Variants in PCBP2 observed in about 807,000 individuals in gnomAD.
The protein encoded by PCBP2 is poly(rC)-binding protein 2.
Under a neutral mutation model 50.1 loss-of-function variants are expected in PCBP2, and 4 were observed. The observed-to-expected ratio is 0.08, with a 90% CI of 0.04 to 0.18. The LOEUF is 0.18. Among genes scored for constraint, PCBP2 ranks in the 10% least tolerant of loss-of-function variants. The pLI is 1.00. For missense variants in PCBP2, 161 were observed against 474.3 expected, an observed-to-expected ratio of 0.34 and a Z score of 6.14; for synonymous variants, 179 against 168.0, an observed-to-expected ratio of 1.07 and a Z score of -0.51.
At chr12:53,466,576 G>T (rs1279646073) in intron 10 of PCBP2, among the ~76,000 whole-genome samples, 1 of 152,152 alleles carries the variant, frequency 6.6e-6, no homozygotes, top group Non-Finnish European at 1.5e-5. Flanking sequence ...ACCTTTTCAG[G>T]TGCTGAGCAT....
intron 7 of PCBP2, among the ~76,000 whole-genome samples, chr12:53,462,074 T>C (rs1219630152): frequency 6.6e-6 from 1 of 152,222 alleles, no homozygotes; most frequent in Non-Finnish European, 1.5e-5. Context: ...TATTTATAGA[T>C]AGTGTCTGTA....
At chr12:53,468,702 TGTTA>T (rs1387772971) in intron 12 of PCBP2, 71 bp from the exon 13 acceptor site, 39 of 1,091,380 alleles carry the variant, frequency 3.6e-5, no homozygotes, top group South Asian at 7.6e-5. Flanking sequence ...TATTTCCTTC[TGTTA>T]GTTTAATGTG....
At chr12:53,471,533 C>G in intron 13 of PCBP2, 105 bp from the exon 14 acceptor site, 1 of 1,150,184 alleles carries the variant, frequency 8.7e-7, no homozygotes, top group Middle Eastern at 3.0e-4. Context: ...GGCCACTGCA[C>G]TCCAGCCTGG....
chr12:53,459,924 A>G (rs998652346), intron 6 of PCBP2: 1 of 445,058 alleles, frequency 2.2e-6, no homozygotes, highest in Non-Finnish European at 4.5e-6. Context: ...CCACACCCAA[A>G]TTTTTGTATT....
chr12:53,475,849 C>G (rs1164378186), intron 14 of PCBP2: 1 of 152,200 alleles, frequency 6.6e-6, no homozygotes, highest in Non-Finnish European at 1.5e-5. Context: ...TGGCAACAAG[C>G]TTCACTAGTG....
intron 5 of PCBP2, among the ~76,000 whole-genome samples, chr12:53,458,676 G>C (rs1241490250): frequency 2.7e-5 from 4 of 146,824 alleles, no homozygotes; most frequent in African/African-American, 7.6e-5. Flanking sequence ...GTCTCACTCT[G>C]TTGCCTAGGC....
At chr12:53,468,025 T>C (rs1941937603) in intron 12 of PCBP2, 182 bp downstream of exon 12, 4 of 595,336 alleles carry the variant, frequency 6.7e-6, no homozygotes, top group Non-Finnish European at 1.2e-5. Context: ...CCAACCCCCT[T>C]CTAAAAATGA....
intron 14 of PCBP2, among the ~76,000 whole-genome samples, chr12:53,472,477 A>G (rs899804541): frequency 6.6e-6 from 1 of 152,310 alleles, no homozygotes; most frequent in East Asian, 1.9e-4. Flanking sequence ...CACTGTTCAC[A>G]GTCAAATGGG....
At chr12:53,467,974 G>T in intron 12 of PCBP2, 131 bp downstream of exon 12, 1 of 760,414 alleles carries the variant, frequency 1.3e-6, no homozygotes, top group Non-Finnish European at 2.2e-6. Flanking sequence ...GAGAGCAAAG[G>T]GGTGGGCCTG....
intron 1 of PCBP2, among the ~76,000 whole-genome samples, chr12:53,454,084 T>A (rs1392935456): frequency 1.3e-5 from 2 of 152,210 alleles, no homozygotes; most frequent in Non-Finnish European, 2.9e-5. Context: ...TCAAGTGTAC[T>A]TAATGTATCG....
At chr12:53,471,848 G>GTAA in intron 14 of PCBP2, 41 bp downstream of exon 14, 1 of 1,534,302 alleles carries the variant, frequency 6.5e-7, no homozygotes. Context: ...TGCCAACACA[G>GTAA]TAATGTGTGT....
intron 14 of PCBP2, among the ~76,000 whole-genome samples, chr12:53,472,796 C>T (rs1044543323): frequency 2.0e-5 from 3 of 152,094 alleles, no homozygotes; most frequent in African/African-American, 7.2e-5. Flanking sequence ...ACCATTTCCC[C>T]AGTAGCAGTC....
At chr12:53,466,121 T>G in intron 10 of PCBP2, 148 bp downstream of exon 10, 2 of 724,892 alleles carry the variant, frequency 2.8e-6, no homozygotes, top group East Asian at 5.0e-5. Flanking sequence ...ATCCCATATT[T>G]TAGCCCTTTA....
At chr12:53,473,852 G>A (rs1417368717) in intron 14 of PCBP2, among the ~76,000 whole-genome samples, 1 of 151,138 alleles carries the variant, frequency 6.6e-6, no homozygotes, top group Non-Finnish European at 1.5e-5. Context: ...GATTTTTCAT[G>A]GTGGCAGTCT....
At chr12:53,478,733 G>A (rs917571517) in intron 14 of PCBP2, among the ~76,000 whole-genome samples, 3 of 152,174 alleles carry the variant, frequency 2.0e-5, no homozygotes, top group African/African-American at 7.2e-5. Flanking sequence ...TTGAGCCAGG[G>A]AGGCACAAGT....
At position 53,459,859 on chromosome 12, in the gene PCBP2, C is replaced by T. The variant is rs528249287; in HGVS notation, c.375+456C>T. On this transcript the variant is annotated intron_variant, in intron 6 of 14. Transcript: ENST00000546463. ...AGCAAAACATCGACCTTCCCAGCCT[C>T]AGGCGATCCTCTCATCTCAGCCTCC... The T allele has an allele frequency of 1.2e-4, 54 of 454,644 alleles. No homozygotes were observed. The Middle Eastern group carries it at 6.5e-3, about 55-fold the overall frequency. The allele number at this position is 454,644 out of a possible 1,614,324, so 28.2% of individuals were successfully genotyped here. A position where few individuals can be genotyped will look rare whatever the true frequency, so the allele number is the denominator to read the frequency against.
chr12:53,468,576 T>C, intron 12 of PCBP2: 2 of 576,862 alleles, frequency 3.5e-6, no homozygotes, highest in Non-Finnish European at 6.2e-6. Context: ...CTCTTCTGAG[T>C]GTACAGAAGA....
chr12:53,472,004 T>TGGG (rs145529470), intron 14 of PCBP2, among the ~76,000 whole-genome samples, 197 bp downstream of exon 14: 2 of 130,830 alleles, frequency 1.5e-5, no homozygotes, highest in African/African-American at 5.9e-5. Context: ...AAGGGGTTGG[T>TGGG]GGGGGGGGGA....
chr12:53,455,571 A>G lies in PCBP2; in HGVS notation c.126+78A>G, dbSNP rs1404960431. 3 of 1,430,782 alleles carry G rather than the reference A, an allele frequency of 2.1e-6. No individual in the cohort carries two copies. The African/African-American group carries it at 4.2e-5, about 20-fold the overall frequency. The allele number at this position is 1,430,782 out of a possible 1,614,324, so 88.6% of individuals were successfully genotyped here. The stretch of plus-strand genomic sequence containing the variant: ...AACAAGTGAAAATTCTTTTTCAGAA[A>G]TTAGGAAGGTCTCAATAAGGGAAAT... On this transcript the variant is annotated intron_variant, in intron 4 of 14. Coordinates refer to ENST00000546463, the MANE Select transcript of PCBP2 (RefSeq NM_031989.5).
Sources: gnomAD v4.1 joint callset for allele counts (sites outside exome capture counted in the v4.1 genomes callset) on GRCh38, gnomAD v4.1.1 for gene constraint, MANE v1.5 for transcripts, NCBI Gene and HGNC (gene_info 2026-07-23, HGNC 2026-07-21) for gene names.